The following CDC42EP2 variants were observed in gnomAD, a reference collection of about 807,000 sequenced individuals.
CDC42EP2 encodes the protein CDC42 effector protein 2.
A neutral mutation model predicts 7.3 loss-of-function variants in CDC42EP2; 5 were observed. The ratio of observed to expected loss-of-function variants is 0.68; its 90% CI spans 0.36 to 1.44. The LOEUF is 1.44. CDC42EP2 is among the 40% of genes most tolerant of loss of function. The pLI, the probability that CDC42EP2 is intolerant of heterozygous loss-of-function variation, is 0.04. For synonymous variants in CDC42EP2, 113 were observed against 123.6 expected (o/e 0.91, Z 0.57); for missense variants, 251 against 282.6 (o/e 0.89, Z 0.80).
chr11:65,317,398 C>T (rs899113519), intron 1 of CDC42EP2, among the ~76,000 whole-genome samples: 8 of 152,054 alleles, frequency 5.3e-5, no homozygotes, highest in Non-Finnish European at 4.4e-5. Flanking sequence ...TCCCGCCTCC[C>T]AACCCCCTCA....
At chr11:65,318,731 G>C (rs1434963161) in intron 1 of CDC42EP2, among the ~76,000 whole-genome samples, 3 of 150,788 alleles carry the variant, frequency 2.0e-5, no homozygotes, top group Non-Finnish European at 4.4e-5. Flanking sequence ...CCTAACACCT[G>C]GCTAATTTTT....
rs1171314322 is a variant in CDC42EP2 at position 65,320,941 on chromosome 11, A to C, written c.43A>C (p.Lys15Gln). The change falls in exon 2 of 2, where the codon AAG becomes CAG. Residue 15 changes from lysine (K) to glutamine (Q), a missense_variant. Lys to Gln is a moderately conservative substitution (Grantham distance 53). Coordinates refer to ENST00000279249, the MANE Select transcript of CDC42EP2 (RefSeq NM_006779.4). ...CATCTATCTGAAGCGTGGCAGTCGC[A>C]AGGGCAAGAAGGAGAAGCTTCGGGA... Reference protein sequence around the residue: ...VPIYLKRGSRKGKKEKLRDLL... With the variant: ...VPIYLKRGSRQGKKEKLRDLL... 1 of 1,609,854 alleles carries C rather than the reference A, an allele frequency of 6.2e-7. No homozygotes were observed. The highest frequency in any genetic ancestry group is 1.1e-5 in the South Asian group (1 of 91,022).
Position 65,321,619 on chromosome 11 carries a change from C to T in CDC42EP2, c.*88C>T. On this transcript the variant is annotated 3_prime_UTR_variant, in exon 2 of 2. Coordinates refer to ENST00000279249, the MANE Select transcript of CDC42EP2 (RefSeq NM_006779.4). The surrounding 1 kb of genome is among the most constrained non-coding windows in gnomAD (Gnocchi z 4.4). ...CGGCCCTGGCGGCGGAGTCAGGGTC[C>T]CAAGATCCCACCTGTATGGTCGCTG... 2 of 1,252,146 alleles carry T rather than the reference C, an allele frequency of 1.6e-6. No homozygotes were observed. Among genetic ancestry groups the T allele is most frequent in the African/African-American group, 3.0e-5 (2 of 66,562 alleles). 77.6% of individuals were successfully genotyped at this position (1,252,146 alleles called of 1,614,324 possible).
rs1434398621 is a variant in CDC42EP2, at chr11:65,319,893, TG to T, written c.-355-645del. Among the ~76,000 whole-genome samples, 13 of 152,124 alleles carry T rather than the reference TG, an allele frequency of 8.5e-5. No homozygotes were observed. The East Asian group carries it at 1.9e-3, about 23-fold the overall frequency. On this transcript the variant is annotated intron_variant, in intron 1 of 1. Coordinates refer to ENST00000279249, the MANE Select transcript of CDC42EP2 (RefSeq NM_006779.4). ...GGGCACAGGTGATGTGCAATGGAGGTGGGGGGTATGGTATGAGTACCTGGAT... is the reference window on the plus strand; with the variant it reads ...GGGCACAGGTGATGTGCAATGGAGGTGGGGGTATGGTATGAGTACCTGGAT...
rs1379273842 is a variant in CDC42EP2 at position 65,315,935 on chromosome 11, A to T, written c.-356+981A>T. Among the ~76,000 whole-genome samples the T allele has an allele frequency of 1.3e-5, 2 of 152,212 alleles. No homozygotes were observed. Among genetic ancestry groups the T allele is most frequent in the African/African-American group, 4.8e-5 (2 of 41,464 alleles). Reference sequence around the variant, plus strand: ...CCCGGAGAATCGAAGTGCTTGAGGAAGGAAGGCCTTGTAGATATTTGCTGA... The same window carrying T: ...CCCGGAGAATCGAAGTGCTTGAGGATGGAAGGCCTTGTAGATATTTGCTGA... On this transcript the variant is annotated intron_variant, in intron 1 of 1. Transcript: ENST00000279249. The surrounding 1 kb of genome is among the most constrained non-coding windows in gnomAD (Gnocchi z 4.1).
chr11:65,316,649 A>G (rs1949949288), intron 1 of CDC42EP2, among the ~76,000 whole-genome samples: 1 of 152,154 alleles, frequency 6.6e-6, no homozygotes. Flanking sequence ...GACTTCTGTA[A>G]AGGGCCGTAA....
chr11:65,322,355 A>C lies in CDC42EP2; in HGVS notation c.*824A>C, dbSNP rs1590922352. The C allele has an allele frequency of 6.0e-6, 1 of 167,124 alleles. No homozygotes were observed. The highest frequency in any genetic ancestry group is 2.4e-5 in the African/African-American group (1 of 41,586). 10.4% of individuals were successfully genotyped at this position (167,124 alleles called of 1,614,324 possible). A position where few individuals can be genotyped will look rare whatever the true frequency, so the allele number is the denominator to read the frequency against. On this transcript the variant is annotated 3_prime_UTR_variant, in exon 2 of 2. Coordinates refer to ENST00000279249, the MANE Select transcript of CDC42EP2 (RefSeq NM_006779.4). ...TTGGCACTGTGCCAAGCCTGGGGCC[A>C]ATCCCTGCCCAGTCAGCTGGGGTCT...
In CDC42EP2 at chr11:65,321,162, C is replaced by T. The variant is rs778736592; in HGVS notation, c.264C>T (p.Thr88=). 2.8e-5 allele frequency: 45 copies of T among 1,614,132 alleles called. No individual in the cohort carries two copies. Among genetic ancestry groups the T allele is most frequent in the Non-Finnish European group, 3.6e-5 (43 of 1,179,986 alleles). The change falls in exon 2 of 2, where the codon ACC becomes ACT. Residue 88 remains threonine, a synonymous_variant. Coordinates refer to ENST00000279249, the MANE Select transcript of CDC42EP2 (RefSeq NM_006779.4). This position sits in a 1 kb window ranked among gnomAD's most constrained non-coding sequence, Gnocchi z 4.4. ...ACCTCCCCTTCCAGTTCACCCGCAC[C>T]GCCACCGTGTGTGGGCGGGAGCTCC... ...TFDLPFQFTR[T]ATVCGRELPD...
rs1423902260 is a variant in CDC42EP2, at chr11:65,315,290, AGT to A, written c.-356+338_-356+339del. Among the ~76,000 whole-genome samples, 1 of 152,098 alleles carries A rather than the reference AGT, an allele frequency of 6.6e-6. No homozygotes were observed. Among genetic ancestry groups the A allele is most frequent in the African/African-American group, 2.4e-5 (1 of 41,420 alleles). Reference sequence around the variant, plus strand: ...GCTGGGGGCCGTATTTTTAGCCGATAGTGAGTTGTTCTCCTATCTTTAGCTGC... The same window carrying A: ...GCTGGGGGCCGTATTTTTAGCCGATAGAGTTGTTCTCCTATCTTTAGCTGC... On this transcript the variant is annotated intron_variant, in intron 1 of 1. Transcript: ENST00000279249. This position sits in a 1 kb window ranked among gnomAD's most constrained non-coding sequence, Gnocchi z 4.1.
Position 65,321,289 on chromosome 11 carries a change from C to T in CDC42EP2, c.391C>T (p.Pro131Ser). The T allele has an allele frequency of 6.2e-7, 1 of 1,613,960 alleles. No individual in the cohort carries two copies. Among genetic ancestry groups the T allele is most frequent in the Non-Finnish European group, 8.5e-7 (1 of 1,179,994 alleles). ...CACAGCCCAGGCTCCACCCAAGCCC[C>T]CTCGCCTGCACCTGGAGACCCCTCA... ...LPTAQAPPKP[P>S]RLHLETPQPS... Residue 131 changes from proline to serine, a missense_variant, in exon 2 of 2, where the codon CCT becomes TCT. Physicochemically the swap from Pro to Ser is moderately conservative, Grantham distance 74. Transcript: ENST00000279249. The surrounding 1 kb of genome is among the most constrained non-coding windows in gnomAD (Gnocchi z 4.4).
chr11:65,321,317 C>T lies in CDC42EP2; in HGVS notation c.419C>T (p.Pro140Leu). The T allele has an allele frequency of 6.2e-7, 1 of 1,614,018 alleles. No homozygotes were observed. ...CGCCTGCACCTGGAGACCCCTCAGC[C>T]TTCCCCACAGGAGGGAGGGAGTGTG... ...PPRLHLETPQPSPQEGGSVDI... is the reference protein window; with the variant it reads ...PPRLHLETPQLSPQEGGSVDI... The change falls in exon 2 of 2, where the codon CCT (proline) becomes CTT (leucine). Residue 140 changes from proline to leucine, a missense_variant. Pro to Leu is a moderately conservative substitution (Grantham distance 98). Coordinates refer to ENST00000279249, the MANE Select transcript of CDC42EP2 (RefSeq NM_006779.4). This position sits in a 1 kb window ranked among gnomAD's most constrained non-coding sequence, Gnocchi z 4.4.
rs1949978460 is a variant in CDC42EP2 at position 65,322,128 on chromosome 11, C to T, written c.*597C>T. On this transcript the variant is annotated 3_prime_UTR_variant, in exon 2 of 2. Coordinates refer to ENST00000279249, the MANE Select transcript of CDC42EP2 (RefSeq NM_006779.4). Reference sequence around the variant, plus strand: ...CTGTCCCTTTGCCCCAGGTTTCCTCCCGGAGGCAGACAGTCTCCCAGAGCT... The same window carrying T: ...CTGTCCCTTTGCCCCAGGTTTCCTCTCGGAGGCAGACAGTCTCCCAGAGCT... 1 of 167,444 alleles carries T rather than the reference C, an allele frequency of 6.0e-6. No homozygotes were observed. The highest frequency in any genetic ancestry group is 2.4e-5 in the African/African-American group (1 of 41,472). 10.4% of individuals were successfully genotyped at this position (167,444 alleles called of 1,614,324 possible).
Position 65,315,255 on chromosome 11 carries a change from C to T in CDC42EP2, c.-356+301C>T, listed in dbSNP as rs1274751212. Among the ~76,000 whole-genome samples, 1 of 152,234 alleles carries T rather than the reference C, an allele frequency of 6.6e-6. No individual in the cohort carries two copies. The highest frequency in any genetic ancestry group is 1.5e-5 in the Non-Finnish European group (1 of 68,034). Reference sequence around the variant, plus strand: ...CCAGGGGTGCCCCGCCGCCCAGCATCCCCACCGGGGCTGGGGGCCGTATTT... The same window carrying T: ...CCAGGGGTGCCCCGCCGCCCAGCATTCCCACCGGGGCTGGGGGCCGTATTT... On this transcript the variant is annotated intron_variant, in intron 1 of 1. Transcript: ENST00000279249. The surrounding 1 kb of genome is among the most constrained non-coding windows in gnomAD (Gnocchi z 4.1).
In CDC42EP2 at chr11:65,321,606, C is replaced by A; in HGVS notation, c.*75C>A. ...TGGGGTGTGGACCCGGCCCTGGCGG[C>A]GGAGTCAGGGTCCCAAGATCCCACC... On this transcript the variant is annotated 3_prime_UTR_variant, in exon 2 of 2. Transcript: ENST00000279249. The surrounding 1 kb of genome is among the most constrained non-coding windows in gnomAD (Gnocchi z 4.4). The A allele has an allele frequency of 7.1e-7, 1 of 1,417,956 alleles. No individual in the cohort carries two copies. Among genetic ancestry groups the A allele is most frequent in the South Asian group, 1.3e-5 (1 of 75,242 alleles). The allele number at this position is 1,417,956 out of a possible 1,614,324, so 87.8% of individuals were successfully genotyped here.
intron 1 of CDC42EP2, among the ~76,000 whole-genome samples, chr11:65,319,206 G>C (rs975965377): frequency 2.0e-5 from 3 of 149,694 alleles, no homozygotes; most frequent in African/African-American, 7.4e-5. Context: ...TCGGCCCACT[G>C]TAACCTCCAC....
At chr11:65,318,180 C>A (rs1949956358) in intron 1 of CDC42EP2, among the ~76,000 whole-genome samples, 1 of 151,884 alleles carries the variant, frequency 6.6e-6, no homozygotes, top group African/African-American at 2.4e-5. Context: ...ACTGCAACCT[C>A]TGCCTCCTGG....
intron 1 of CDC42EP2, among the ~76,000 whole-genome samples, chr11:65,320,220 A>G (rs777441398): frequency 5.9e-5 from 9 of 152,096 alleles, no homozygotes; most frequent in Non-Finnish European, 8.8e-5. Flanking sequence ...TGATCCCAGC[A>G]TTTTGGGAGG....
In CDC42EP2 at chr11:65,315,112, G is replaced by A. The variant is rs1235936343; in HGVS notation, c.-356+158G>A. Reference sequence around the variant, plus strand: ...TCCATGGGGCTTCCCACCCGCATCTGGGTTCCCGCAGCCTCGCCCGTGCCC... The same window carrying A: ...TCCATGGGGCTTCCCACCCGCATCTAGGTTCCCGCAGCCTCGCCCGTGCCC... On this transcript the variant is annotated intron_variant, in intron 1 of 1. Coordinates refer to ENST00000279249, the MANE Select transcript of CDC42EP2 (RefSeq NM_006779.4). This position sits in a 1 kb window ranked among gnomAD's most constrained non-coding sequence, Gnocchi z 4.1. 6.6e-6 allele frequency among the ~76,000 whole-genome samples: 1 copy of A among 152,080 alleles called. No homozygotes were observed. Among genetic ancestry groups the A allele is most frequent in the Non-Finnish European group, 1.5e-5 (1 of 67,960 alleles).
In CDC42EP2 at chr11:65,320,531, C is replaced by T. The variant is rs1392940268; in HGVS notation, c.-355-13C>T. The T allele has an allele frequency of 8.6e-6, 2 of 233,362 alleles. No homozygotes were observed. Among genetic ancestry groups the T allele is most frequent in the Non-Finnish European group, 1.7e-5 (2 of 117,266 alleles). 14.5% of individuals were successfully genotyped at this position (233,362 alleles called of 1,614,324 possible). On this transcript the variant is annotated splice_polypyrimidine_tract_variant and intron_variant, in intron 1 of 1. Transcript: ENST00000279249. Reference sequence around the variant, plus strand: ...CCGCTGTCTCTGACAGGTGTGCACCCTTTGTGTTTCAGCTCCTCAGCCCTG... The same window carrying T: ...CCGCTGTCTCTGACAGGTGTGCACCTTTTGTGTTTCAGCTCCTCAGCCCTG...
Sources: gnomAD v4.1 joint callset for allele counts (sites outside exome capture counted in the v4.1 genomes callset) on GRCh38, gnomAD v4.1.1 for gene constraint, Gnocchi (gnomAD v3.1) non-coding constraint, MANE v1.5 for transcripts, NCBI Gene and HGNC (gene_info 2026-07-23, HGNC 2026-07-21) for gene names.